The following TAFA2 variants were observed in gnomAD, a reference collection of about 807,000 sequenced individuals.
TAFA2 encodes TAFA chemokine like family member 2.
In TAFA2, 7 loss-of-function variants were observed where a neutral mutation model predicts 18.8. The ratio of observed to expected loss-of-function variants is 0.37; its 90% CI spans 0.21 to 0.70. The LOEUF (loss-of-function observed/expected upper bound fraction) is 0.70, where lower values mean the gene tolerates loss of function less well. TAFA2 is among the 30% of genes least tolerant of loss of function. The pLI is 0.53. For synonymous variants in TAFA2, 60 were observed against 54.2 expected (o/e 1.11, Z -0.47); for missense variants, 122 against 158.1 (o/e 0.77, Z 1.23).
At chr12:61,934,673 C>T (rs572501336) in intron 1 of TAFA2, among the ~76,000 whole-genome samples, 1 of 152,314 alleles carries the variant, frequency 6.6e-6, no homozygotes, top group South Asian at 2.1e-4. Context: ...CTGTCTATGA[C>T]ACTTGAAAGA....
chr12:61,711,294 G>C lies in TAFA2; in HGVS notation c.385-877C>G, dbSNP rs560263963. ...GGGGAGAGGAAAAGAGATTTTGAGA[G>C]AGAGAGAGGATAGAGGGAGAAAGAG... On this transcript the variant is annotated intron_variant, in intron 4 of 4. Coordinates refer to ENST00000416284, the MANE Select transcript of TAFA2 (RefSeq NM_178539.5). Among the ~76,000 whole-genome samples the C allele has an allele frequency of 2.6e-5, 4 of 151,704 alleles. No individual in the cohort carries two copies. The South Asian group carries it at 8.4e-4, about 32-fold the overall frequency.
intron 1 of TAFA2, among the ~76,000 whole-genome samples, chr12:62,115,493 G>A (rs78748530): frequency 2.0e-3 from 311 of 152,170 alleles, no homozygotes; most frequent in Middle Eastern, 3.4e-3. Flanking sequence ...TAAAATATAC[G>A]GAATATAGAG....
At chr12:61,725,695 T>C (rs550534114) in intron 4 of TAFA2, among the ~76,000 whole-genome samples, 2 of 152,248 alleles carry the variant, frequency 1.3e-5, no homozygotes, top group Admixed American at 6.6e-5. Flanking sequence ...AGCCTTATAG[T>C]ATAGTTTGAA....
rs146347059 is a variant in TAFA2 at position 61,846,505 on chromosome 12, G to C, written c.106+20815C>G. ...TTGTTTATGACTTATTTAGGGAAAGGGAAAAGTTTATCATTTATTTAGGAA... is the reference window on the plus strand; with the variant it reads ...TTGTTTATGACTTATTTAGGGAAAGCGAAAAGTTTATCATTTATTTAGGAA... On this transcript the variant is annotated intron_variant, in intron 2 of 4. Transcript: ENST00000416284. Among the ~76,000 whole-genome samples, 349 of 151,994 alleles carry C rather than the reference G, an allele frequency of 2.3e-3. 1 individual carries two copies. Among genetic ancestry groups the C allele is most frequent in the African/African-American group, 8.0e-3 (331 of 41,482 alleles).
At position 61,769,014 on chromosome 12, in the gene TAFA2, G is replaced by T. The variant is rs146087191; in HGVS notation, c.107-13990C>A. On this transcript the variant is annotated intron_variant, in intron 2 of 4. Transcript: ENST00000416284. Reference sequence around the variant, plus strand: ...CTGTGCTGTTGGTGGGGCATGGTGGGAGTGAAATTGTTCTTCAGGCTGCAT... The same window carrying T: ...CTGTGCTGTTGGTGGGGCATGGTGGTAGTGAAATTGTTCTTCAGGCTGCAT... Among the ~76,000 whole-genome samples the T allele has an allele frequency of 3.5e-3, 536 of 152,034 alleles. 4 individuals carry two copies. Among genetic ancestry groups the T allele is most frequent in the African/African-American group, 0.012 (507 of 41,506 alleles).
chr12:61,992,342 T>C (rs1334011791), intron 1 of TAFA2, among the ~76,000 whole-genome samples: 2 of 152,168 alleles, frequency 1.3e-5, no homozygotes, highest in Non-Finnish European at 2.9e-5. Flanking sequence ...GATTCCCCTC[T>C]TTCTCTCACA....
At chr12:61,867,480 C>T in intron 1 of TAFA2, 54 bp from the exon 2 acceptor site, 1 of 1,097,936 alleles carries the variant, frequency 9.1e-7, no homozygotes. Flanking sequence ...TAGCTTTTCC[C>T]TTATGATTGT....
At position 62,052,439 on chromosome 12, in the gene TAFA2, G is replaced by A. The variant is rs1040769042; in HGVS notation, c.-2+138820C>T. On this transcript the variant is annotated intron_variant, in intron 1 of 4. Transcript: ENST00000416284. ...ACTCCTGGCCTCAGGTGATCTGCCC[G>A]CCTTGGCCTCCCAAAGTGCTGGAAA... 6.6e-5 allele frequency among the ~76,000 whole-genome samples: 10 copies of A among 152,172 alleles called. No individual in the cohort carries two copies. In the East Asian group the frequency reaches 7.7e-4, roughly 12 times the overall value.
At chr12:61,711,753 G>A (rs1289292528) in intron 4 of TAFA2, among the ~76,000 whole-genome samples, 1 of 151,906 alleles carries the variant, frequency 6.6e-6, no homozygotes, top group African/African-American at 2.4e-5. Context: ...CAAGGAAGGA[G>A]TTCTTTGCCT....
intron 1 of TAFA2, among the ~76,000 whole-genome samples, chr12:62,051,806 T>C (rs989573800): frequency 2.0e-5 from 3 of 151,926 alleles, no homozygotes; most frequent in African/African-American, 4.8e-5. Flanking sequence ...AAATTGTACA[T>C]TGAACTTAAA....
At chr12:61,969,820 A>C (rs1386452245) in intron 1 of TAFA2, among the ~76,000 whole-genome samples, 1 of 151,720 alleles carries the variant, frequency 6.6e-6, no homozygotes, top group African/African-American at 2.4e-5. Context: ...AAAGATGATG[A>C]CAAAAGAATA....
intron 4 of TAFA2, among the ~76,000 whole-genome samples, chr12:61,749,356 G>A (rs76534950): frequency 1.3e-5 from 2 of 151,972 alleles, no homozygotes; most frequent in South Asian, 2.1e-4. Context: ...TGTGGGCTTG[G>A]ATCAAGCCAT....
At chr12:62,220,431 T>C (rs546139563) in intron 1 of TAFA2, among the ~76,000 whole-genome samples, 14 of 152,224 alleles carry the variant, frequency 9.2e-5, no homozygotes, top group East Asian at 1.9e-4. Context: ...CAACAGGAAC[T>C]GTCACTCACT....
chr12:62,223,519 A>G (rs1290999929), intron 1 of TAFA2, among the ~76,000 whole-genome samples: 1 of 152,222 alleles, frequency 6.6e-6, no homozygotes, highest in African/African-American at 2.4e-5. Context: ...GCTGAAAAAA[A>G]CTGGATACAA....
At chr12:61,724,452 A>C (rs1331294270) in intron 4 of TAFA2, among the ~76,000 whole-genome samples, 1 of 150,140 alleles carries the variant, frequency 6.7e-6, no homozygotes, top group African/African-American at 2.5e-5. Flanking sequence ...TAAGTGCTTT[A>C]GTTGTGATTT....
At chr12:62,173,687 T>C (rs1477455603) in intron 1 of TAFA2, among the ~76,000 whole-genome samples, 1 of 152,236 alleles carries the variant, frequency 6.6e-6, no homozygotes, top group African/African-American at 2.4e-5. Context: ...GTTTCTGATC[T>C]ATATGAACCA....
At chr12:61,756,073 T>TCATACC (rs1223398543) in intron 2 of TAFA2, among the ~76,000 whole-genome samples, 3 of 152,054 alleles carry the variant, frequency 2.0e-5, no homozygotes, top group African/African-American at 7.2e-5. Flanking sequence ...GATCGGCACA[T>TCATACC]CATACATTTA....
At chr12:62,154,221 A>G (rs1351064672) in intron 1 of TAFA2, among the ~76,000 whole-genome samples, 1 of 152,166 alleles carries the variant, frequency 6.6e-6, no homozygotes, top group Non-Finnish European at 1.5e-5. Flanking sequence ...TAGTCACTAG[A>G]GTTCTCTTGA....
intron 1 of TAFA2, among the ~76,000 whole-genome samples, chr12:62,050,485 T>C (rs1264608674): frequency 6.6e-6 from 1 of 151,694 alleles, no homozygotes; most frequent in African/African-American, 2.4e-5. Context: ...GGCAGGAGAC[T>C]GGCGTGAACC....
Sources: allele counts gnomAD v4.1 joint callset (sites outside exome capture counted in the v4.1 genomes callset), GRCh38; gene constraint gnomAD v4.1.1; transcripts MANE v1.5; gene names NCBI Gene and HGNC (gene_info 2026-07-23, HGNC 2026-07-21).